The following GPM6B variants were observed in gnomAD, a reference collection of about 807,000 sequenced individuals.
GPM6B encodes the protein glycoprotein M6B.
In GPM6B, 4 loss-of-function variants were observed where a neutral mutation model predicts 27.2. The observed-to-expected ratio is 0.15, with a 90% CI of 0.07 to 0.34. GPM6B has a LOEUF of 0.34. GPM6B is among the 10% of genes least tolerant of loss of function. The pLI is 1.00. For missense variants in GPM6B, 183 were observed against 261.9 expected, an observed-to-expected ratio of 0.70 and a Z score of 2.08; for synonymous variants, 124 against 103.1, an observed-to-expected ratio of 1.20 and a Z score of -1.23.
rs1466012367 is a variant in GPM6B at position 13,913,092 on chromosome X, C to T, written c.-198+25235G>A. 1.4e-3 allele frequency among the ~76,000 whole-genome samples: 156 copies of T among 111,999 alleles called. 1 individual carries two copies. The highest frequency in any genetic ancestry group is 4.6e-3 in the African/African-American group (143 of 30,899). On this transcript the variant is annotated intron_variant, in intron 1 of 6. Coordinates refer to the GPM6B transcript ENST00000398361. ...GAACATAGGAAGATATTAGATATTACCTTGAATAAACAGTTCAAGACAATT... is the reference window on the plus strand; with the variant it reads ...GAACATAGGAAGATATTAGATATTATCTTGAATAAACAGTTCAAGACAATT...
In GPM6B at chrX:13,846,790, C is replaced by CTTTTTT. The variant is rs10656571; in HGVS notation, c.-197-60988_-197-60983dup. ...TTACAGGCGTGAGCCACTGCGCCAG[C>CTTTTTT]TTTTTTTTTTTTTTTTTTTTAAACT... On this transcript the variant is annotated intron_variant, in intron 1 of 6. Coordinates refer to the GPM6B transcript ENST00000398361. Among the ~76,000 whole-genome samples the CTTTTTT allele has an allele frequency of 5.8e-3, 491 of 85,364 alleles. 12 individuals are homozygous for CTTTTTT. The highest frequency in any genetic ancestry group is 0.021 in the African/African-American group (458 of 21,467). The allele number at this position is 85,364 out of a possible 115,157, so 74.1% of individuals were successfully genotyped here. A position where few individuals can be genotyped will look rare whatever the true frequency, so the allele number is the denominator to read the frequency against.
intron 7 of GPM6B, chrX:13,773,951 TC>T (rs2048353941): frequency 3.2e-6 from 2 of 633,393 alleles, no homozygotes; most frequent in Non-Finnish European, 3.7e-6. Context: ...CACATATAAA[TC>T]CTTTTTTTTT....
chrX:13,808,270 T>C (rs2049060404), intron 1 of GPM6B, among the ~76,000 whole-genome samples: 1 of 112,317 alleles, frequency 8.9e-6, no homozygotes, highest in Admixed American at 9.4e-5. Context: ...CATTGACGTC[T>C]GCAGTATTGT....
At chrX:13,809,428 C>T (rs181611776) in intron 1 of GPM6B, among the ~76,000 whole-genome samples, 16 of 111,737 alleles carry the variant, frequency 1.4e-4, no homozygotes, top group African/African-American at 3.9e-4. Context: ...TCCTAAGCTA[C>T]TGATGTTATC....
intron 1 of GPM6B, among the ~76,000 whole-genome samples, chrX:13,913,626 C>T (rs1377453442): frequency 1.8e-5 from 2 of 112,351 alleles, no homozygotes; most frequent in African/African-American, 6.5e-5. Context: ...AAATGCTAAC[C>T]ATAAACAGTT....
intron 7 of GPM6B, chrX:13,774,447 T>G (rs2048368600): frequency 8.6e-7 from 1 of 1,160,644 alleles, no homozygotes; most frequent in Non-Finnish European, 1.1e-6. Flanking sequence ...TACAAATTAC[T>G]GTAACAAAAT....
At chrX:13,857,596 T>TC (rs1488773973) in intron 1 of GPM6B, among the ~76,000 whole-genome samples, 1 of 112,265 alleles carries the variant, frequency 8.9e-6, no homozygotes. Flanking sequence ...ACTAATGCCC[T>TC]CCCACAATAG....
intron 1 of GPM6B, among the ~76,000 whole-genome samples, chrX:13,867,022 A>C (rs1407211466): frequency 8.9e-6 from 1 of 112,283 alleles, no homozygotes; most frequent in African/African-American, 3.2e-5. Flanking sequence ...TATTACATGC[A>C]AGATCAGCCT....
intron 1 of GPM6B, among the ~76,000 whole-genome samples, chrX:13,903,076 G>A (rs1292571356): frequency 8.9e-6 from 1 of 112,111 alleles, no homozygotes; most frequent in East Asian, 2.8e-4. Flanking sequence ...CTCATTAAGG[G>A]CTAGCTGACT....
At chrX:13,905,336 C>T (rs141689726) in intron 1 of GPM6B, among the ~76,000 whole-genome samples, 1,207 of 110,501 alleles carry the variant, frequency 0.011, 15 homozygotes, top group African/African-American at 0.037. Context: ...CTCCAGCATA[C>T]CAAATCATTC....
At chrX:13,937,378 A>C (rs771494067) in intron 1 of GPM6B, among the ~76,000 whole-genome samples, 4 of 111,603 alleles carry the variant, frequency 3.6e-5, no homozygotes, top group African/African-American at 6.5e-5. Flanking sequence ...TCGCCCCCCC[A>C]CACACAATTA....
chrX:13,856,206 G>A (rs1191577111), intron 1 of GPM6B, among the ~76,000 whole-genome samples: 3 of 111,803 alleles, frequency 2.7e-5, no homozygotes. Context: ...TCCTCCCCAT[G>A]TTGGCTCTAC....
chrX:13,859,142 C>T (rs895578399), intron 1 of GPM6B, among the ~76,000 whole-genome samples: 12 of 112,174 alleles, frequency 1.1e-4, no homozygotes, highest in African/African-American at 3.9e-4. Flanking sequence ...TACAATTTTA[C>T]GAAATTTAGT....
chrX:13,817,137 T>C (rs2049251813), upstream of GPM6B: 14 of 946,147 alleles, frequency 1.5e-5, no homozygotes, highest in Non-Finnish European at 1.8e-5. Flanking sequence ...CAGGCAGCCA[T>C]ACGTCACCGA....
chrX:13,880,885 C>T (rs1156481381), intron 1 of GPM6B, among the ~76,000 whole-genome samples: 1 of 109,938 alleles, frequency 9.1e-6, no homozygotes, highest in Non-Finnish European at 1.9e-5. Flanking sequence ...AAATACGTTA[C>T]ACCGGTTTCT....
At chrX:13,857,680 G>T (rs2049797013) in intron 1 of GPM6B, among the ~76,000 whole-genome samples, 1 of 112,376 alleles carries the variant, frequency 8.9e-6, no homozygotes, top group East Asian at 2.8e-4. Context: ...TTTGTTTCAT[G>T]GAACAGAATG....
At chrX:13,796,299 C>T (rs1408593506) in intron 2 of GPM6B, among the ~76,000 whole-genome samples, 10 of 111,800 alleles carry the variant, frequency 8.9e-5, no homozygotes, top group Admixed American at 7.6e-4. Flanking sequence ...GAACTCCCGA[C>T]CTCAGGTGAT....
chrX:13,835,558 C>A (rs2049486166), intron 1 of GPM6B, among the ~76,000 whole-genome samples: 1 of 111,947 alleles, frequency 8.9e-6, no homozygotes, highest in African/African-American at 3.2e-5. Context: ...TGCCTCAGAG[C>A]CTCACCTGTA....
intron 1 of GPM6B, among the ~76,000 whole-genome samples, chrX:13,838,129 AAAAG>A (rs1444308215): frequency 4.0e-5 from 4 of 101,116 alleles, no homozygotes; most frequent in African/African-American, 8.5e-5. Flanking sequence ...AAAAGGAAAA[AAAAG>A]AAAAAAAAAA....
Sources: allele counts gnomAD v4.1 joint callset (sites outside exome capture counted in the v4.1 genomes callset), GRCh38; gene constraint gnomAD v4.1.1; transcripts MANE v1.5; gene names NCBI Gene and HGNC (gene_info 2026-07-23, HGNC 2026-07-21).